COL21A1: variants seen among roughly 807,000 people sequenced by gnomAD.
COL21A1 encodes collagen alpha-1(XXI) chain.
A neutral mutation model predicts 137.9 loss-of-function variants in COL21A1; 149 were observed. The ratio of observed to expected loss-of-function variants is 1.08; its 90% CI spans 0.95 to 1.24. The LOEUF is 1.24. COL21A1 is among the 50% of genes most tolerant of loss of function. The probability of loss-of-function intolerance (pLI) is 0.00; values close to 1 mark genes in which losing one functional copy is unlikely to be tolerated. For missense variants in COL21A1, 1,167 were observed against 1,158.4 expected, an observed-to-expected ratio of 1.01 and a Z score of -0.11; for synonymous variants, 456 against 391.5, an observed-to-expected ratio of 1.16 and a Z score of -1.95.
In COL21A1 at chr6:56,101,481, C is replaced by A; in HGVS notation, c.1803G>T (p.Arg601=). ...ATGAGAAGGTACTCACAGGCTCTCC[C>A]CGTGTTCCATCCTGCCCCGGAGCAC... ...SPGAPGQDGT[R]GEPGIPGFPG... Residue 601 remains arginine (R), a synonymous_variant, in exon 17 of 30, where the codon CGG becomes CGT. Coordinates refer to ENST00000244728, the MANE Select transcript of COL21A1 (RefSeq NM_030820.4). 6.3e-7 allele frequency: 1 copy of A among 1,594,904 alleles called. No homozygotes were observed. The highest frequency in any genetic ancestry group is 2.3e-5 in the East Asian group (1 of 44,436).
intron 1 of COL21A1, among the ~76,000 whole-genome samples, chr6:56,388,500 G>A (rs544074289): frequency 6.6e-6 from 1 of 152,358 alleles, no homozygotes; most frequent in African/African-American, 2.4e-5. Context: ...GTCAACCAAT[G>A]CTGTCCAATG....
intron 9 of COL21A1, 129 bp from the exon 10 acceptor site, chr6:56,157,078 A>AAAAG (rs992583051): frequency 3.2e-6 from 2 of 631,324 alleles, no homozygotes; most frequent in Non-Finnish European, 5.6e-6. Flanking sequence ...AAAGTAAAAA[A>AAAAG]AAAAAGCCAT....
At chr6:56,068,480 A>G (rs1363787313) in intron 22 of COL21A1, among the ~76,000 whole-genome samples, 1 of 151,594 alleles carries the variant, frequency 6.6e-6, no homozygotes, top group East Asian at 1.9e-4. Flanking sequence ...CTTGACCAAA[A>G]TGAGAGAGAG....
chr6:56,348,204 T>C (rs1398978427), intron 1 of COL21A1, among the ~76,000 whole-genome samples: 1 of 152,182 alleles, frequency 6.6e-6, no homozygotes, highest in Non-Finnish European at 1.5e-5. Flanking sequence ...ATCTGCTTTC[T>C]TCCCTTAAGA....
In COL21A1 at chr6:56,097,856, AATATATAAAAATATCTATAAAT is replaced by A. The variant is rs1562188139; in HGVS notation, c.1812+3594_1812+3615del. On this transcript the variant is annotated intron_variant, in intron 17 of 29. Coordinates refer to ENST00000244728, the MANE Select transcript of COL21A1 (RefSeq NM_030820.4). ...ATATATAAATATATAAATATATATAAATATATAAAAATATCTATAAATATATAAATATATATAAATATATAAA... is the reference window on the plus strand; with the variant it reads ...ATATATAAATATATAAATATATATAAATATAAATATATATAAATATATAAA... Among the ~76,000 whole-genome samples, 23 of 90,222 alleles carry A rather than the reference AATATATAAAAATATCTATAAAT, an allele frequency of 2.5e-4. 2 individuals are homozygous for A. The highest frequency in any genetic ancestry group is 1.0e-3 in the African/African-American group (23 of 22,050). 59.2% of individuals were successfully genotyped at this position (90,222 alleles called of 152,430 possible).
At chr6:56,130,332 G>C (rs1180419285) in intron 12 of COL21A1, among the ~76,000 whole-genome samples, 1 of 151,100 alleles carries the variant, frequency 6.6e-6, no homozygotes, top group Non-Finnish European at 1.5e-5. Context: ...AGTTCTGAGA[G>C]AGAGAAAGAG....
At chr6:56,311,223 T>C (rs937717560) in intron 1 of COL21A1, among the ~76,000 whole-genome samples, 3 of 152,208 alleles carry the variant, frequency 2.0e-5, no homozygotes, top group Non-Finnish European at 4.4e-5. Context: ...AACCAGAGAT[T>C]ACAATTCTTG....
At chr6:56,242,452 A>G (rs1262285216) in intron 1 of COL21A1, among the ~76,000 whole-genome samples, 1 of 152,142 alleles carries the variant, frequency 6.6e-6, no homozygotes, top group Non-Finnish European at 1.5e-5. Context: ...CTCGACACCA[A>G]TGAGTACATA....
chr6:56,192,884 C>CT (rs538658753), intron 1 of COL21A1, among the ~76,000 whole-genome samples: 157 of 152,286 alleles, frequency 1.0e-3, no homozygotes, highest in African/African-American at 3.8e-3. Flanking sequence ...TATTGCAGCA[C>CT]TATTCACAAT....
At chr6:56,330,034 A>G (rs1032341482) in intron 1 of COL21A1, among the ~76,000 whole-genome samples, 1 of 152,136 alleles carries the variant, frequency 6.6e-6, no homozygotes, top group Non-Finnish European at 1.5e-5. Context: ...TCTATTCAAT[A>G]TAACCTCTAT....
chr6:56,190,709 G>A (rs531811302), intron 1 of COL21A1, among the ~76,000 whole-genome samples: 2 of 152,162 alleles, frequency 1.3e-5, no homozygotes, highest in Admixed American at 6.5e-5. Context: ...CTGGCAAACC[G>A]AACCCAGCAG....
chr6:56,353,927 C>T (rs183811260), intron 1 of COL21A1, among the ~76,000 whole-genome samples: 1 of 152,268 alleles, frequency 6.6e-6, no homozygotes, highest in African/African-American at 2.4e-5. Context: ...ATATCACACT[C>T]TACCCCATAG....
chr6:56,205,360 C>A (rs570227420), intron 1 of COL21A1, among the ~76,000 whole-genome samples: 61 of 151,786 alleles, frequency 4.0e-4, no homozygotes, highest in Admixed American at 2.6e-4. Context: ...ATAGCCAAAT[C>A]GATCAAGAGG....
intron 1 of COL21A1, among the ~76,000 whole-genome samples, chr6:56,317,341 T>C (rs879720213): frequency 6.6e-6 from 1 of 152,182 alleles, no homozygotes; most frequent in South Asian, 2.1e-4. Flanking sequence ...TATAAGCTTC[T>C]ATCCCTTTAT....
At chr6:56,357,561 C>G (rs571418195) in intron 1 of COL21A1, among the ~76,000 whole-genome samples, 26 of 152,272 alleles carry the variant, frequency 1.7e-4, no homozygotes, top group Middle Eastern at 6.8e-3. Flanking sequence ...CATTTTTCAC[C>G]ACATCCTGTA....
chr6:56,218,487 G>C (rs1425268639), intron 1 of COL21A1, among the ~76,000 whole-genome samples: 1 of 152,136 alleles, frequency 6.6e-6, no homozygotes, highest in Non-Finnish European at 1.5e-5. Context: ...ATGGAAATAG[G>C]CTGGTGCAAA....
chr6:56,213,433 C>G (rs1407663635), intron 1 of COL21A1, among the ~76,000 whole-genome samples: 2 of 152,044 alleles, frequency 1.3e-5, no homozygotes, highest in African/African-American at 2.4e-5. Flanking sequence ...AGCAAGTGTA[C>G]TTGCCAATGC....
At chr6:56,307,717 T>C (rs559869111) in intron 1 of COL21A1, among the ~76,000 whole-genome samples, 8 of 152,146 alleles carry the variant, frequency 5.3e-5, no homozygotes, top group Non-Finnish European at 8.8e-5. Flanking sequence ...CTCAGTGCAC[T>C]GCACCCACGG....
chr6:56,362,353 T>C (rs1765993564), intron 1 of COL21A1, among the ~76,000 whole-genome samples: 1 of 152,214 alleles, frequency 6.6e-6, no homozygotes, highest in African/African-American at 2.4e-5. Context: ...TTTCTAAATT[T>C]TCTACAATAA....
Sources: gnomAD v4.1 joint callset for allele counts (sites outside exome capture counted in the v4.1 genomes callset) on GRCh38, gnomAD v4.1.1 for gene constraint, MANE v1.5 for transcripts, NCBI Gene and HGNC (gene_info 2026-07-23, HGNC 2026-07-21) for gene names.